The following EZH1 variants were observed in gnomAD, a reference collection of about 807,000 sequenced individuals.
The protein encoded by EZH1 is enhancer of zeste 1 polycomb repressive complex 2 subunit.
In EZH1, 33 loss-of-function variants were observed where a neutral mutation model predicts 100.5. The observed-to-expected ratio is 0.33, with a 90% CI of 0.25 to 0.44. The LOEUF is 0.44. Among genes scored for constraint, EZH1 ranks in the 20% least tolerant of loss-of-function variants. The pLI is 1.00. For missense variants in EZH1, 475 were observed against 928.4 expected, an observed-to-expected ratio of 0.51 and a Z score of 6.35; for synonymous variants, 272 against 313.8, an observed-to-expected ratio of 0.87 and a Z score of 1.41.
Position 42,720,417 on chromosome 17 carries a change from C to T in EZH1, c.520G>A (p.Ala174Thr), listed in dbSNP as rs906561674. Reference sequence around the variant, plus strand: ...GCATCGACCAACTCCAGAAAAACAGCATCACTAATCAGAACGGATCCAGGG... The same window carrying T: ...GCATCGACCAACTCCAGAAAAACAGTATCACTAATCAGAACGGATCCAGGG... ...MIPGSVLISD[A>T]VFLELVDALN... The change falls in exon 7 of 21, where the codon GCT becomes ACT. Residue 174 changes from alanine (A) to threonine (T), a missense_variant. Coordinates refer to ENST00000428826, the MANE Select transcript of EZH1 (RefSeq NM_001991.5). 6.2e-7 allele frequency: 1 copy of T among 1,613,446 alleles called. No individual in the cohort carries two copies. The highest frequency in any genetic ancestry group is 8.5e-7 in the Non-Finnish European group (1 of 1,179,858).
At chr17:42,725,060 G>C (rs984789733) in intron 4 of EZH1, among the ~76,000 whole-genome samples, 10 of 151,620 alleles carry the variant, frequency 6.6e-5, no homozygotes, top group Admixed American at 5.9e-4. Flanking sequence ...CCAGCTACTC[G>C]GGAGGCTGAG....
intron 12 of EZH1, among the ~76,000 whole-genome samples, chr17:42,710,627 T>G (rs927596965): frequency 1.3e-5 from 2 of 148,356 alleles, no homozygotes; most frequent in Non-Finnish European, 3.0e-5. Context: ...CTGTTTTTGT[T>G]TGTTTTTTTT....
rs565804448 is a variant in EZH1, at chr17:42,708,692, G to A, written c.1534+184C>T. ...AATCACAGACCACAAGGCCCTTAATGTTACCTCCTAAGAGGTCTTCTCAGT... is the reference window on the plus strand; with the variant it reads ...AATCACAGACCACAAGGCCCTTAATATTACCTCCTAAGAGGTCTTCTCAGT... On this transcript the variant is annotated intron_variant, in intron 14 of 20. Coordinates refer to ENST00000428826, the MANE Select transcript of EZH1 (RefSeq NM_001991.5). 6.6e-5 allele frequency among the ~76,000 whole-genome samples: 10 copies of A among 152,258 alleles called. 1 individual carries two copies. In the South Asian group the frequency reaches 1.9e-3, roughly 28 times the overall value.
At chr17:42,736,179 G>T (rs561158522) in intron 1 of EZH1, among the ~76,000 whole-genome samples, 1 of 152,180 alleles carries the variant, frequency 6.6e-6, no homozygotes, top group African/African-American at 2.4e-5. Flanking sequence ...TGGTGAGGAC[G>T]TGAAGCAACT....
chr17:42,718,687 C>T lies in EZH1; in HGVS notation c.768-70G>A. 1 of 1,535,406 alleles carries T rather than the reference C, an allele frequency of 6.5e-7. No individual in the cohort carries two copies. The highest frequency in any genetic ancestry group is 8.9e-7 in the Non-Finnish European group (1 of 1,119,478). ...CCACTGAGGAAATACAGATTGGGTA[C>T]TGACAGTAGCTCACCTACGGTCTGC... On this transcript the variant is annotated intron_variant, in intron 8 of 20. Transcript: ENST00000428826. The surrounding 1 kb of genome is among the most constrained non-coding windows in gnomAD (Gnocchi z 4.2).
At chr17:42,709,791 G>A (rs1384346318) in intron 13 of EZH1, 55 bp downstream of exon 13, 7 of 1,558,106 alleles carry the variant, frequency 4.5e-6, no homozygotes, top group Non-Finnish European at 6.2e-6. Context: ...GGGGAGGTCA[G>A]AGCACAGGGA....
chr17:42,713,962 C>T (rs912110503), intron 10 of EZH1, among the ~76,000 whole-genome samples: 3 of 152,160 alleles, frequency 2.0e-5, no homozygotes, highest in African/African-American at 7.2e-5. Context: ...GTATAGGAAT[C>T]AGGGCTCCTT....
chr17:42,726,976 A>G (rs911174491), intron 4 of EZH1, among the ~76,000 whole-genome samples: 17 of 151,944 alleles, frequency 1.1e-4, no homozygotes, highest in Non-Finnish European at 1.9e-4. Context: ...CAGCCTCCCA[A>G]GTAGCTGGGA....
At position 42,709,992 on chromosome 17, in the gene EZH1, T is replaced by C. The variant is rs960732404; in HGVS notation, c.1402-55A>G. 2.0e-6 allele frequency: 3 copies of C among 1,524,690 alleles called. No homozygotes were observed. In the African/African-American group the frequency reaches 4.1e-5, roughly 21 times the overall value. The allele number at this position is 1,524,690 out of a possible 1,614,324, so 94.4% of individuals were successfully genotyped here. A position where few individuals can be genotyped will look rare whatever the true frequency, so the allele number is the denominator to read the frequency against. ...TCCTCGAGCAAGGGGGTCAGGTAAG[T>C]GGCCCAGCTGGGTGCTGGCCTTGGG... is the stretch of plus-strand genomic sequence containing the variant. On this transcript the variant is annotated intron_variant, in intron 12 of 20. Transcript: ENST00000428826.
At position 42,712,492 on chromosome 17, in the gene EZH1, A is replaced by AGG; in HGVS notation, c.1205-9_1205-8dup. 1 of 1,610,064 alleles carries AGG rather than the reference A, an allele frequency of 6.2e-7. No homozygotes were observed. The highest frequency in any genetic ancestry group is 8.5e-7 in the Non-Finnish European group (1 of 1,178,328). ...TGACAGCGAGAGTTAGCCTCTGAGAAGGGAAGAAATAACAGAATCAGAAGA... is the reference window on the plus strand; with the variant it reads ...TGACAGCGAGAGTTAGCCTCTGAGAAGGGGGAAGAAATAACAGAATCAGAAGA... On this transcript the variant is annotated splice_region_variant and splice_polypyrimidine_tract_variant and intron_variant, in intron 11 of 20. Transcript: ENST00000428826.
chr17:42,728,710 C>G, intron 3 of EZH1, 115 bp downstream of exon 3: 1 of 1,123,730 alleles, frequency 8.9e-7, no homozygotes, highest in Non-Finnish European at 1.2e-6. Flanking sequence ...CCACTGCACT[C>G]CAACCTGGGT....
intron 19 of EZH1, 72 bp from the exon 20 acceptor site, chr17:42,703,033 G>C: frequency 6.9e-7 from 1 of 1,439,622 alleles, no homozygotes; most frequent in Non-Finnish European, 9.8e-7. Context: ...CTTCTGGGTT[G>C]ATTTTCTCCA....
intron 1 of EZH1, among the ~76,000 whole-genome samples, chr17:42,743,007 T>A (rs778224305): frequency 2.0e-5 from 3 of 151,270 alleles, no homozygotes; most frequent in South Asian, 2.1e-4. Context: ...ATAGCTGGGA[T>A]TACAGGCACC....
chr17:42,718,159 T>C lies in EZH1; in HGVS notation c.932-92A>G, dbSNP rs1260260893. 2.6e-6 allele frequency: 3 copies of C among 1,145,158 alleles called. No individual in the cohort carries two copies. The highest frequency in any genetic ancestry group is 2.0e-5 in the Admixed American group (1 of 48,880). The allele number at this position is 1,145,158 out of a possible 1,614,324, so 70.9% of individuals were successfully genotyped here. A position where few individuals can be genotyped will look rare whatever the true frequency, so the allele number is the denominator to read the frequency against. On this transcript the variant is annotated intron_variant, in intron 9 of 20. Transcript: ENST00000428826. This position sits in a 1 kb window ranked among gnomAD's most constrained non-coding sequence, Gnocchi z 4.2. ...TGAATTAGAGAGCTATTGTAGGAGT[T>C]AGAATTCGATATAAACGGCTACCAT...
intron 5 of EZH1, 90 bp downstream of exon 5, chr17:42,724,215 G>A (rs2053772706): frequency 2.0e-6 from 3 of 1,492,276 alleles, no homozygotes; most frequent in South Asian, 2.3e-5. Flanking sequence ...GTTAATTACT[G>A]GACAATCTTT....
In EZH1 at chr17:42,712,283, T is replaced by C. The variant is rs750570254; in HGVS notation, c.1401+6A>G. On this transcript the variant is annotated splice_donor_region_variant and intron_variant, in intron 12 of 20. Coordinates refer to ENST00000428826, the MANE Select transcript of EZH1 (RefSeq NM_001991.5). The stretch of plus-strand genomic sequence containing the variant: ...GCCCATTTGTTCTGCTGCTTCCAGA[T>C]GGTACCTGCTTGCACGTCTTGGTCC... 6.2e-7 allele frequency: 1 copy of C among 1,612,932 alleles called. No individual in the cohort carries two copies. The highest frequency in any genetic ancestry group is 8.5e-7 in the Non-Finnish European group (1 of 1,179,752).
At chr17:42,717,841 G>T in intron 10 of EZH1, 135 bp downstream of exon 10, 1 of 714,916 alleles carries the variant, frequency 1.4e-6, no homozygotes, top group Non-Finnish European at 2.4e-6. Flanking sequence ...CGGTCCCACA[G>T]TAACTGGGGA....
intron 1 of EZH1, 76 bp downstream of exon 1, chr17:42,744,935 C>T: frequency 2.4e-6 from 3 of 1,240,460 alleles, no homozygotes; most frequent in Non-Finnish European, 3.1e-6. Context: ...CTCCGCCTCT[C>T]CCTCCCTCAG....
chr17:42,723,329 C>T (rs527397130), intron 5 of EZH1, among the ~76,000 whole-genome samples: 38 of 151,198 alleles, frequency 2.5e-4, no homozygotes, highest in East Asian at 9.7e-4. Flanking sequence ...AAGCTGAGAT[C>T]GCGCCACTGT....
Sources: allele counts gnomAD v4.1 joint callset (sites outside exome capture counted in the v4.1 genomes callset), GRCh38; gene constraint gnomAD v4.1.1; non-coding constraint Gnocchi (gnomAD v3.1); transcripts MANE v1.5; gene names NCBI Gene and HGNC (gene_info 2026-07-23, HGNC 2026-07-21).